The following NBPF12 variants were observed in gnomAD, a reference collection of about 807,000 sequenced individuals.
NBPF12 encodes the protein NBPF family member NBPF12.
Under a neutral mutation model 146.4 loss-of-function variants are expected in NBPF12, and 115 were observed. That is an observed-to-expected ratio of 0.79 (90% CI 0.68 to 0.92). The LOEUF (loss-of-function observed/expected upper bound fraction) is 0.92. NBPF12 is among the 40% of genes least tolerant of loss of function. The pLI is 0.00. For missense variants in NBPF12, 1,205 were observed against 1,326.8 expected, an observed-to-expected ratio of 0.91 and a Z score of 1.43; for synonymous variants, 385 against 508.9, an observed-to-expected ratio of 0.76 and a Z score of 3.28.
chr1:146,962,160 G>C lies in NBPF12; in HGVS notation c.176-1G>C, dbSNP rs1202474279. On this transcript the variant is annotated splice_acceptor_variant, in intron 4 of 33. Transcript: ENST00000617844. LOFTEE classifies it high-confidence loss of function. The stretch of plus-strand genomic sequence containing the variant: ...GGCAGGCGTGTCTGTCTTTTTCTCA[G>C]AGTATGAAGAGTGTAAAGACCTCAT... 6.2e-7 allele frequency: 1 copy of C among 1,608,682 alleles called. No homozygotes were observed. Among genetic ancestry groups the C allele is most frequent in the Non-Finnish European group, 8.5e-7 (1 of 1,177,896 alleles).
At chr1:146,971,645 G>A (rs1553886483) in intron 13 of NBPF12, among the ~76,000 whole-genome samples, 36,772 of 148,464 alleles carry the variant, frequency 0.25, 5,180 homozygotes, top group South Asian at 0.47. Context: ...AAAAAATTAG[G>A]CAGTCATGGT....
chr1:146,968,649 G>T, intron 10 of NBPF12, 99 bp downstream of exon 13: 5 of 1,089,714 alleles, frequency 4.6e-6, no homozygotes, highest in Non-Finnish European at 7.0e-6. Flanking sequence ...TGGGCCAGGG[G>T]AAGGGCAGGA....
At chr1:146,992,462 CTGTGTGTGTGTGTGTGTGTGTGTGTG>C (rs1163182082) in intron 31 of NBPF12, among the ~76,000 whole-genome samples, 4 of 66,272 alleles carry the variant, frequency 6.0e-5, no homozygotes, top group East Asian at 1.3e-3. Context: ...CTCTCTCTCT[CTGTGTGTGTGTGTGTGTGTGTGTGTG>C]TGTGTGTGTG....
chr1:146,971,830 A>G (rs1160131339), intron 13 of NBPF12, among the ~76,000 whole-genome samples: 4 of 150,450 alleles, frequency 2.7e-5, no homozygotes, highest in East Asian at 1.9e-4. Flanking sequence ...ATGTAATCCC[A>G]GCACTTTGGG....
At chr1:146,958,094 C>A (rs1432996689) in intron 2 of NBPF12, among the ~76,000 whole-genome samples, 1 of 118,846 alleles carries the variant, frequency 8.4e-6, no homozygotes, top group African/African-American at 2.9e-5. Flanking sequence ...CCCATTAACT[C>A]GTCATTTACA....
chr1:146,944,500 A>G (rs1654933702), upstream of NBPF12, among the ~76,000 whole-genome samples: 1 of 148,248 alleles, frequency 6.7e-6, no homozygotes, highest in African/African-American at 2.5e-5. Flanking sequence ...TGGAGTGGAC[A>G]AGGAGCAGCA....
upstream of NBPF12, among the ~76,000 whole-genome samples, chr1:146,948,795 A>T (rs1570816747): frequency 1.3e-5 from 2 of 151,350 alleles, no homozygotes; most frequent in Non-Finnish European, 2.9e-5. Context: ...TTGAGATAAG[A>T]GGAAGGCGTC....
At chr1:146,981,253 C>A in intron 19 of NBPF12, among the ~76,000 whole-genome samples, 2 of 116,476 alleles carry the variant, frequency 1.7e-5, no homozygotes, top group Admixed American at 1.0e-4. Flanking sequence ...ACGTTGTGCA[C>A]ATGTACCCTA....
intron 2 of NBPF12, among the ~76,000 whole-genome samples, chr1:146,954,389 CAAAAAAAA>C (rs1170420550): frequency 6.3e-3 from 151 of 24,040 alleles, no homozygotes; most frequent in African/African-American, 0.014. Flanking sequence ...GACTCTGTCT[CAAAAAAAA>C]AAAAAAAAAA....
At chr1:146,969,973 T>C (rs1467696476) in intron 11 of NBPF12, among the ~76,000 whole-genome samples, 3 of 150,240 alleles carry the variant, frequency 2.0e-5, no homozygotes, top group African/African-American at 7.4e-5. Context: ...GGTGAGTGAG[T>C]GATTTATCTT....
At chr1:146,966,360 C>T (rs1656208716) in intron 8 of NBPF12, 104 bp from the exon 12 acceptor site, 5 of 1,034,344 alleles carry the variant, frequency 4.8e-6, no homozygotes, top group Non-Finnish European at 6.1e-6. Context: ...ACATCATCTT[C>T]GAATAAGTAC....
At chr1:146,995,898 A>G (rs1553890492) in exon 34 of NBPF12, 1 of 150,418 alleles carries the variant, frequency 6.6e-6, no homozygotes, top group African/African-American at 2.5e-5. Flanking sequence ...ACATTTTATC[A>G]TTTATTAATC....
At chr1:146,976,835 G>C in intron 16 of NBPF12, 94 bp from the exon 20 acceptor site, 1 of 559,780 alleles carries the variant, frequency 1.8e-6, no homozygotes, top group East Asian at 3.2e-5. Flanking sequence ...GGTGACCCAT[G>C]CCTAGATGTT....
In NBPF12 at chr1:146,962,827, G is replaced by A. The variant is rs1356928332; in HGVS notation, c.279-268G>A. On this transcript the variant is annotated intron_variant, in intron 5 of 33. Coordinates refer to ENST00000617844, the Ensembl canonical transcript of NBPF12. ...AACTGAAAGGATGTCTTTTTGAAAC[G>A]GAATTAGGAAGACACCTACCTTTGT... 5.9e-3 allele frequency among the ~76,000 whole-genome samples: 890 copies of A among 150,712 alleles called. 13 individuals are homozygous for A. Among genetic ancestry groups the A allele is most frequent in the African/African-American group, 0.021 (841 of 40,816 alleles).
rs139645973 is a variant in NBPF12, at chr1:146,992,434, T to TTCTCTCTC, written c.3849-256_3849-249dup. Among the ~76,000 whole-genome samples, 145 of 81,460 alleles carry TTCTCTCTC rather than the reference T, an allele frequency of 1.8e-3. 1 individual carries two copies. The highest frequency in any genetic ancestry group is 7.6e-3 in the African/African-American group (126 of 16,630). 53.4% of individuals were successfully genotyped at this position (81,460 alleles called of 152,430 possible). A position where few individuals can be genotyped will look rare whatever the true frequency, so the allele number is the denominator to read the frequency against. On this transcript the variant is annotated intron_variant, in intron 31 of 33. Coordinates refer to ENST00000617844, the Ensembl canonical transcript of NBPF12. ...TCACCTGGACAATTCACTGAGCTCG[T>TTCTCTCTC]TCTCTCTCTCTCTCTCTCTCTCTCT...
intron 14 of NBPF12, among the ~76,000 whole-genome samples, chr1:146,973,760 C>T (rs1378266124): frequency 3.4e-5 from 5 of 146,590 alleles, no homozygotes; most frequent in Admixed American, 6.9e-5. Flanking sequence ...TGCACTCCAG[C>T]CTGGGTGACA....
Position 146,965,710 on chromosome 1 carries a change from T to C in NBPF12, c.778+606T>C, listed in dbSNP as rs1656147820. Among the ~76,000 whole-genome samples the C allele has an allele frequency of 8.2e-5, 11 of 134,514 alleles. No individual in the cohort carries two copies. The South Asian group carries it at 2.7e-3, about 33-fold the overall frequency. The allele number at this position is 134,514 out of a possible 152,430, so 88.2% of individuals were successfully genotyped here. ...AGGAGGCTGAGGCAGGAGAATGGCA[T>C]GAACCCAGGAACCGGATCTTGCAGT... On this transcript the variant is annotated intron_variant, in intron 8 of 33. Coordinates refer to ENST00000617844, the Ensembl canonical transcript of NBPF12.
exon 34 of NBPF12, chr1:146,994,754 G>A (rs1658437428): frequency 2.8e-6 from 3 of 1,053,040 alleles, no homozygotes; most frequent in East Asian, 2.6e-5. Context: ...TGAAGACAAT[G>A]GACCCACGTT....
intron 2 of NBPF12, among the ~76,000 whole-genome samples, chr1:146,956,276 A>G (rs1261699908): frequency 6.6e-6 from 1 of 152,028 alleles, no homozygotes; most frequent in African/African-American, 2.4e-5. Context: ...CACAGGTATC[A>G]TTTCATTTGT....
Sources: gnomAD v4.1 joint callset for allele counts (sites outside exome capture counted in the v4.1 genomes callset) on GRCh38, gnomAD v4.1.1 for gene constraint, MANE v1.5 for transcripts, NCBI Gene and HGNC (gene_info 2026-07-23, HGNC 2026-07-21) for gene names.